NLRP3: variants seen among roughly 807,000 people sequenced by gnomAD.
NLRP3 encodes NLR family pyrin domain containing 3.
Under a neutral mutation model 91.3 loss-of-function variants are expected in NLRP3, and 48 were observed. That is an observed-to-expected ratio of 0.53 (90% CI 0.42 to 0.67). NLRP3 has a LOEUF of 0.67. Among genes scored for constraint, NLRP3 ranks in the 30% least tolerant of loss-of-function variants. The pLI, the probability that NLRP3 is intolerant of heterozygous loss-of-function variation, is 0.00. For synonymous variants in NLRP3, 561 were observed against 507.9 expected, an observed-to-expected ratio of 1.10 and a Z score of -1.41; for missense variants, 982 against 1,276.9, an observed-to-expected ratio of 0.77 and a Z score of 3.52.
At chr1:247,447,669 T>A (rs1572237327) in intron 9 of NLRP3, among the ~76,000 whole-genome samples, 1 of 147,682 alleles carries the variant, frequency 6.8e-6, no homozygotes. Flanking sequence ...GGTAAAAAAA[T>A]TTACAAGACA....
chr1:247,439,721 A>G (rs1417249879), intron 7 of NLRP3, among the ~76,000 whole-genome samples: 1 of 152,194 alleles, frequency 6.6e-6, no homozygotes, highest in East Asian at 1.9e-4. Flanking sequence ...ACCATAATAT[A>G]AATATTTTTC....
chr1:247,440,998 C>A (rs1410688224), intron 7 of NLRP3, among the ~76,000 whole-genome samples: 1 of 152,042 alleles, frequency 6.6e-6, no homozygotes, highest in African/African-American at 2.4e-5. Context: ...AATGAGATAA[C>A]CCTGTTTAAA....
chr1:247,446,460 C>T (rs996367192), intron 9 of NLRP3, among the ~76,000 whole-genome samples: 4 of 152,204 alleles, frequency 2.6e-5, no homozygotes, highest in South Asian at 2.1e-4. Flanking sequence ...CCGAAGATTC[C>T]GCTTCTCCCA....
At chr1:247,446,261 G>C (rs1346021867) in intron 9 of NLRP3, among the ~76,000 whole-genome samples, 1 of 152,198 alleles carries the variant, frequency 6.6e-6, no homozygotes, top group Non-Finnish European at 1.5e-5. Flanking sequence ...CTGGTGTCTG[G>C]ATTGTCATGG....
At chr1:247,423,491 T>A (rs1047159515) in intron 3 of NLRP3, 142 bp downstream of exon 3, 1 of 1,046,026 alleles carries the variant, frequency 9.6e-7, no homozygotes, top group Non-Finnish European at 1.5e-6. Context: ...AAATCCATTG[T>A]CAGTTGAAGA....
In NLRP3 at chr1:247,442,316, A is replaced by G. The variant is rs374951926; in HGVS notation, c.2664-1656A>G. Among the ~76,000 whole-genome samples, 69 of 152,286 alleles carry G rather than the reference A, an allele frequency of 4.5e-4. No individual in the cohort carries two copies. The South Asian group carries it at 0.014, about 30-fold the overall frequency. On this transcript the variant is annotated intron_variant, in intron 7 of 9. Coordinates refer to ENST00000336119, the MANE Select transcript of NLRP3 (RefSeq NM_001243133.2). ...CTGCCTCGTAGACACCAAAGAGCTT[A>G]AAAAACATGCCATTGCCAAGGACTC...
chr1:247,425,262 G>A lies in NLRP3; in HGVS notation c.1813G>A (p.Glu605Lys). The change falls in exon 4 of 10, where the codon GAG (glutamate) becomes AAG (lysine). Residue 605 changes from glutamate to lysine, a missense_variant. Coordinates refer to ENST00000336119, the MANE Select transcript of NLRP3 (RefSeq NM_001243133.2). This position sits in a 1 kb window ranked among gnomAD's most constrained non-coding sequence, Gnocchi z 4.1. ...CAAGATCTCTCAGCAAATCAGGCTGGAGCTGCTGAAATGGATTGAAGTGAA... is the reference window on the plus strand; with the variant it reads ...CAAGATCTCTCAGCAAATCAGGCTGAAGCTGCTGAAATGGATTGAAGTGAA... ...SCKISQQIRL[E>K]LLKWIEVKAK... is the part of the protein sequence containing the mutation. The A allele has an allele frequency of 6.2e-7, 1 of 1,614,208 alleles. No homozygotes were observed.
intron 2 of NLRP3, among the ~76,000 whole-genome samples, chr1:247,421,122 G>A (rs2103093714): frequency 6.6e-6 from 1 of 152,288 alleles, no homozygotes; most frequent in Admixed American, 6.5e-5. Context: ...TACACATTGG[G>A]GATAAGGTTC....
chr1:247,437,083 C>T (rs1315897746), intron 7 of NLRP3, among the ~76,000 whole-genome samples: 1 of 152,192 alleles, frequency 6.6e-6, no homozygotes, highest in African/African-American at 2.4e-5. Flanking sequence ...TGCCTTAATT[C>T]CCAGTGCATT....
chr1:247,422,073 G>A (rs1443915375), intron 2 of NLRP3, among the ~76,000 whole-genome samples: 1 of 152,154 alleles, frequency 6.6e-6, no homozygotes. Flanking sequence ...TTACCAAGTA[G>A]ACAGCTGTCA....
rs1223692249 is a variant in NLRP3, at chr1:247,436,008, A to G, written c.2531A>G (p.Asp844Gly). 2 of 1,614,156 alleles carry G rather than the reference A, an allele frequency of 1.2e-6. No homozygotes were observed. Among genetic ancestry groups the G allele is most frequent in the Admixed American group, 1.7e-5 (1 of 60,018 alleles). The stretch of plus-strand genomic sequence containing the variant: ...TGCCTCACATCAGCATGTTGTCAGG[A>G]TCTTGCATCAGTATTGAGCACCAGC... ...SCCLTSACCQDLASVLSTSHS... is the reference protein window; with the variant it reads ...SCCLTSACCQGLASVLSTSHS... Residue 844 changes from aspartate (D) to glycine (G), a missense_variant, in exon 7 of 10, where the codon GAT becomes GGT. Transcript: ENST00000336119.
intron 7 of NLRP3, among the ~76,000 whole-genome samples, chr1:247,436,341 T>C (rs990881272): frequency 1.3e-5 from 2 of 152,218 alleles, no homozygotes; most frequent in Admixed American, 6.5e-5. Context: ...TTTATGATTA[T>C]AGAACTAGAG....
chr1:247,425,526 G>A lies in NLRP3; in HGVS notation c.2077G>A (p.Glu693Lys). 6.2e-7 allele frequency: 1 copy of A among 1,613,894 alleles called. No individual in the cohort carries two copies. Among genetic ancestry groups the A allele is most frequent in the Non-Finnish European group, 8.5e-7 (1 of 1,180,022 alleles). ...HNMPKEEEEEEKEGRHLDMVQ... is the reference protein window; with the variant it reads ...HNMPKEEEEEKKEGRHLDMVQ... ...CATGCCCAAGGAGGAAGAGGAGGAGGAAAAGGAAGGCCGACACCTTGATAT... is the reference window on the plus strand; with the variant it reads ...CATGCCCAAGGAGGAAGAGGAGGAGAAAAAGGAAGGCCGACACCTTGATAT... The change falls in exon 4 of 10, where the codon GAA becomes AAA. Residue 693 changes from glutamate to lysine, a missense_variant. Transcript: ENST00000336119. The surrounding 1 kb of genome is among the most constrained non-coding windows in gnomAD (Gnocchi z 4.1).
In NLRP3 at chr1:247,448,708, G is replaced by C; in HGVS notation, c.*204G>C. The C allele has an allele frequency of 1.6e-6, 1 of 619,234 alleles. No homozygotes were observed. The highest frequency in any genetic ancestry group is 2.9e-6 in the Non-Finnish European group (1 of 342,152). The allele number at this position is 619,234 out of a possible 1,614,324, so 38.4% of individuals were successfully genotyped here. A position where few individuals can be genotyped will look rare whatever the true frequency, so the allele number is the denominator to read the frequency against. ...TTACGCCAGGGTGAGGAAGACACCA[G>C]GACAATGACAGCATCGGGTGTTGTT... On this transcript the variant is annotated 3_prime_UTR_variant, in exon 10 of 10. Transcript: ENST00000336119.
rs555435752 is a variant in NLRP3 at position 247,423,526 on chromosome 1, T to G, written c.397+177T>G. 1.4e-4 allele frequency among the ~76,000 whole-genome samples: 21 copies of G among 152,306 alleles called. No individual in the cohort carries two copies. In the South Asian group the frequency reaches 3.7e-3, roughly 27 times the overall value. ...AAACAAATTCATGTTTGTGTGGCTC[T>G]TGCAGTCCCAGAGCCAGCGGCGGTG... On this transcript the variant is annotated intron_variant, in intron 3 of 9. Transcript: ENST00000336119.
chr1:247,419,110 T>C, intron 2 of NLRP3, 33 bp downstream of exon 2: 1 of 1,590,552 alleles, frequency 6.3e-7, no homozygotes, highest in Non-Finnish European at 8.5e-7. Flanking sequence ...AAAAAAATTG[T>C]GGCCAAGTGC....
chr1:247,427,728 T>C (rs1229346354), intron 4 of NLRP3, among the ~76,000 whole-genome samples: 1 of 105,328 alleles, frequency 9.5e-6, no homozygotes, highest in African/African-American at 3.6e-5. Flanking sequence ...TTTCTCTAGA[T>C]AGCACCTTCC....
intron 7 of NLRP3, among the ~76,000 whole-genome samples, chr1:247,443,460 G>A (rs1339307303): frequency 6.6e-6 from 1 of 151,862 alleles, no homozygotes; most frequent in African/African-American, 2.4e-5. Context: ...CACAGCCCTA[G>A]CTACAGCTTA....
intron 1 of NLRP3, among the ~76,000 whole-genome samples, chr1:247,416,886 C>T (rs762853020): frequency 5.9e-5 from 9 of 152,154 alleles, no homozygotes; most frequent in Admixed American, 4.6e-4. Context: ...CACCGTTTTC[C>T]AGGCTCTCTG....
Sources: allele counts gnomAD v4.1 joint callset (sites outside exome capture counted in the v4.1 genomes callset), GRCh38; gene constraint gnomAD v4.1.1; non-coding constraint Gnocchi (gnomAD v3.1); transcripts MANE v1.5; gene names NCBI Gene and HGNC (gene_info 2026-07-23, HGNC 2026-07-21).